Variants in GABRB3 observed in about 807,000 individuals in gnomAD.
The protein encoded by GABRB3 is gamma-aminobutyric acid receptor subunit beta-3.
In GABRB3, 14 loss-of-function variants were observed where a neutral mutation model predicts 52.1. The ratio of observed to expected loss-of-function variants is 0.27; its 90% CI spans 0.18 to 0.42. GABRB3 has a LOEUF of 0.42. Ranked by LOEUF, GABRB3 falls within the 10% of genes least tolerant of loss-of-function variation. GABRB3 has a pLI of 1.00. For missense variants in GABRB3, 307 were observed against 609.1 expected (o/e 0.50, Z 5.22); for synonymous variants, 260 against 232.3 (o/e 1.12, Z -1.08).
At chr15:26,703,745 A>G (rs1007027667) in intron 3 of GABRB3, among the ~76,000 whole-genome samples, 1 of 152,222 alleles carries the variant, frequency 6.6e-6, no homozygotes, top group African/African-American at 2.4e-5. Flanking sequence ...ACAGGTCCCA[A>G]GTAAGTCCAA....
At chr15:26,752,301 T>C (rs550493662) in intron 3 of GABRB3, among the ~76,000 whole-genome samples, 3 of 151,746 alleles carry the variant, frequency 2.0e-5, no homozygotes, top group East Asian at 3.9e-4. Flanking sequence ...TCTCACTGTG[T>C]CACCCAGGCT....
chr15:26,676,053 T>A (rs2140639703), intron 3 of GABRB3, among the ~76,000 whole-genome samples: 1 of 152,308 alleles, frequency 6.6e-6, no homozygotes, highest in East Asian at 1.9e-4. Context: ...TATTCAAGTG[T>A]CCTTAAGAAA....
chr15:26,739,232 G>A (rs572795801), intron 3 of GABRB3, among the ~76,000 whole-genome samples: 1 of 152,072 alleles, frequency 6.6e-6, no homozygotes, highest in Non-Finnish European at 1.5e-5. Flanking sequence ...CACTCAGTAA[G>A]GTCAGTGTCT....
At chr15:26,737,918 T>C (rs1226641501) in intron 3 of GABRB3, among the ~76,000 whole-genome samples, 2 of 152,226 alleles carry the variant, frequency 1.3e-5, no homozygotes, top group African/African-American at 4.8e-5. Context: ...ACTGAGTTTG[T>C]TTCTCCTTTC....
chr15:26,681,373 C>A (rs956561623), intron 3 of GABRB3, among the ~76,000 whole-genome samples: 1 of 151,942 alleles, frequency 6.6e-6, no homozygotes, highest in Admixed American at 6.6e-5. Flanking sequence ...TGATATTCTG[C>A]CCCCCCGTAT....
chr15:26,593,894 G>T (rs759136841), intron 4 of GABRB3, among the ~76,000 whole-genome samples: 1 of 150,672 alleles, frequency 6.6e-6, no homozygotes, highest in Non-Finnish European at 1.5e-5. Flanking sequence ...GCTTTCCACA[G>T]TGACTGAATC....
At chr15:26,604,149 A>T (rs371808874) in intron 4 of GABRB3, among the ~76,000 whole-genome samples, 5 of 152,216 alleles carry the variant, frequency 3.3e-5, no homozygotes, top group Non-Finnish European at 5.9e-5. Flanking sequence ...AAAGAAATTT[A>T]AAAAATCCCA....
rs137978830 is a variant in GABRB3 at position 26,758,569 on chromosome 15, G to A, written c.240+13833C>T. On this transcript the variant is annotated intron_variant, in intron 3 of 8. Coordinates refer to ENST00000311550, the MANE Select transcript of GABRB3 (RefSeq NM_000814.6). ...CATTCAAGCAGGCAGCTGAGAACCAGTGCAGGACAATCTGCCCCATTAATT... is the reference window on the plus strand; with the variant it reads ...CATTCAAGCAGGCAGCTGAGAACCAATGCAGGACAATCTGCCCCATTAATT... Among the ~76,000 whole-genome samples the A allele has an allele frequency of 4.6e-4, 70 of 152,252 alleles. 1 individual carries two copies. Among genetic ancestry groups the A allele is most frequent in the East Asian group, 4.1e-3 (21 of 5,162 alleles).
chr15:26,712,199 A>G (rs1889321611), intron 3 of GABRB3, among the ~76,000 whole-genome samples: 1 of 150,840 alleles, frequency 6.6e-6, no homozygotes, highest in Non-Finnish European at 1.5e-5. Context: ...TTTGTTATAC[A>G]GACAGCATCT....
At chr15:26,631,953 G>A (rs1167062619) in intron 3 of GABRB3, among the ~76,000 whole-genome samples, 2 of 152,164 alleles carry the variant, frequency 1.3e-5, no homozygotes, top group Non-Finnish European at 2.9e-5. Context: ...GACAGAATTG[G>A]TACCTTTAAA....
intron 3 of GABRB3, among the ~76,000 whole-genome samples, chr15:26,721,319 A>T (rs749088018): frequency 6.6e-5 from 10 of 152,176 alleles, no homozygotes; most frequent in Admixed American, 3.3e-4. Context: ...CTTGCATCTA[A>T]GAAGGAAATC....
rs375750618 is a variant in GABRB3 at position 26,715,468 on chromosome 15, C to T, written c.240+56934G>A. 1.3e-4 allele frequency among the ~76,000 whole-genome samples: 20 copies of T among 151,990 alleles called. 1 individual carries two copies. Among genetic ancestry groups the T allele is most frequent in the East Asian group, 5.8e-4 (3 of 5,160 alleles). On this transcript the variant is annotated intron_variant, in intron 3 of 8. Transcript: ENST00000311550. ...GAAGAGAGAGGAGAGAAAACCCACACGATGTAATAAGACTTGCACAAAAAT... is the reference window on the plus strand; with the variant it reads ...GAAGAGAGAGGAGAGAAAACCCACATGATGTAATAAGACTTGCACAAAAAT...
chr15:26,770,177 C>T (rs557892307), intron 3 of GABRB3, among the ~76,000 whole-genome samples: 1 of 152,286 alleles, frequency 6.6e-6, no homozygotes, highest in East Asian at 1.9e-4. Flanking sequence ...CGTGACCAAT[C>T]TGCTTGTGGG....
chr15:26,728,328 C>A (rs1171340752), intron 3 of GABRB3, among the ~76,000 whole-genome samples: 1 of 152,222 alleles, frequency 6.6e-6, no homozygotes, highest in African/African-American at 2.4e-5. Context: ...GGTTCCCACA[C>A]ATATGGAGAC....
At chr15:26,616,196 T>C in intron 4 of GABRB3, 1 of 695,278 alleles carries the variant, frequency 1.4e-6, no homozygotes, top group Non-Finnish European at 2.2e-6. Context: ...AAGGAGAGGA[T>C]GGAGGGTGGC....
At chr15:26,702,853 T>TAC (rs1441762679) in intron 3 of GABRB3, among the ~76,000 whole-genome samples, 3 of 152,198 alleles carry the variant, frequency 2.0e-5, no homozygotes, top group Non-Finnish European at 2.9e-5. Flanking sequence ...TGTAACAAAA[T>TAC]ACCATAAATA....
chr15:26,678,502 G>A (rs1888138176), intron 3 of GABRB3, among the ~76,000 whole-genome samples: 1 of 151,884 alleles, frequency 6.6e-6, no homozygotes, highest in Admixed American at 6.6e-5. Flanking sequence ...GCACGAGAAA[G>A]AAAGAGAAAG....
At chr15:26,577,494 T>C (rs1890635774) in intron 6 of GABRB3, among the ~76,000 whole-genome samples, 1 of 151,950 alleles carries the variant, frequency 6.6e-6, no homozygotes, top group African/African-American at 2.4e-5. Flanking sequence ...GCCTGGGTGA[T>C]GGAGTGAGAC....
intron 3 of GABRB3, among the ~76,000 whole-genome samples, chr15:26,682,003 A>T (rs1260071441): frequency 6.6e-6 from 1 of 151,990 alleles, no homozygotes; most frequent in Non-Finnish European, 1.5e-5. Context: ...ATTGCTAACT[A>T]CTTGCTTCTG....
Sources: allele counts gnomAD v4.1 joint callset (sites outside exome capture counted in the v4.1 genomes callset), GRCh38; gene constraint gnomAD v4.1.1; transcripts MANE v1.5; gene names NCBI Gene and HGNC (gene_info 2026-07-23, HGNC 2026-07-21).